Variants in ATRX observed in about 807,000 individuals in gnomAD.
ATRX encodes the protein chromatin remodeler ATRX.
In ATRX, 12 loss-of-function variants were observed where a neutral mutation model predicts 172.6. The ratio of observed to expected loss-of-function variants is 0.07; its 90% confidence interval spans 0.04 to 0.11. The LOEUF is 0.11. ATRX is among the 10% of genes least tolerant of loss of function. The pLI, the probability that ATRX is intolerant of heterozygous loss-of-function variation, is 1.00. For missense variants in ATRX, 1,368 were observed against 1,767.4 expected (o/e 0.77, Z 4.05); for synonymous variants, 674 against 594.7 (o/e 1.13, Z -1.94).
At chrX:77,785,800 C>A in intron 1 of ATRX, 182 bp downstream of exon 1, 1 of 503,589 alleles carries the variant, frequency 2.0e-6, no homozygotes, top group Admixed American at 1.3e-4. Context: ...TCCCCACCCC[C>A]ACCCCCGTCG....
At chrX:77,570,710 A>T (rs782041255) in intron 28 of ATRX, among the ~76,000 whole-genome samples, 2 of 111,919 alleles carry the variant, frequency 1.8e-5, no homozygotes, top group South Asian at 7.4e-4. Context: ...GACAAACTAG[A>T]TTTCATCAAA....
intron 11 of ATRX, among the ~76,000 whole-genome samples, chrX:77,663,867 C>T (rs1280537999): frequency 9.0e-6 from 1 of 111,320 alleles, no homozygotes; most frequent in African/African-American, 3.3e-5. Flanking sequence ...TTTGGGAGGC[C>T]GAGGTGGGCA....
chrX:77,688,746 G>A, intron 7 of ATRX, 72 bp downstream of exon 7: 2 of 837,997 alleles, frequency 2.4e-6, no homozygotes, highest in Non-Finnish European at 3.6e-6. Flanking sequence ...TCAAGACTGT[G>A]CCCTCAAAGG....
chrX:77,677,546 G>GC (rs2070948263), intron 9 of ATRX, among the ~76,000 whole-genome samples: 1 of 111,329 alleles, frequency 9.0e-6, no homozygotes, highest in East Asian at 2.8e-4. Flanking sequence ...ACAAATGAGT[G>GC]CATGTGAAAC....
chrX:77,774,557 G>C (rs1557201257), intron 1 of ATRX, among the ~76,000 whole-genome samples: 1 of 110,343 alleles, frequency 9.1e-6, no homozygotes, highest in African/African-American at 3.3e-5. Context: ...GGAACCTGTA[G>C]ACCCAGCTAC....
chrX:77,712,554 G>A (rs1557161980), intron 2 of ATRX, among the ~76,000 whole-genome samples: 1 of 112,549 alleles, frequency 8.9e-6, no homozygotes, highest in African/African-American at 3.2e-5. Context: ...GCCGGGCTTG[G>A]TGGCTCACGC....
chrX:77,691,801 A>ATT (rs2071904470), intron 6 of ATRX, among the ~76,000 whole-genome samples: 1 of 111,778 alleles, frequency 8.9e-6, no homozygotes, highest in African/African-American at 3.3e-5. Context: ...CAGATCACCA[A>ATT]TTTATCTATA....
intron 1 of ATRX, among the ~76,000 whole-genome samples, chrX:77,773,092 TAA>T (rs782649057): frequency 2.7e-5 from 1 of 37,354 alleles, no homozygotes. Flanking sequence ...AAATTTCAGC[TAA>T]AAAAAAAAAA....
At position 77,684,423 on chromosome X, in the gene ATRX, G is replaced by C. The variant is rs2148636877; in HGVS notation, c.833C>G (p.Thr278Ser). 8.3e-7 allele frequency: 1 copy of C among 1,211,673 alleles called. No homozygotes were observed. The highest frequency in any genetic ancestry group is 1.1e-6 in the Non-Finnish European group (1 of 895,332). ...ATTCTCAAATACGCTGTTACATGCAGTGACCAAGTCCAACAAAGGCTCTGG... is the reference window on the plus strand; with the variant it reads ...ATTCTCAAATACGCTGTTACATGCACTGACCAAGTCCAACAAAGGCTCTGG... ...CHPEPLLDLVTACNSVFENLE... is the reference protein window; with the variant it reads ...CHPEPLLDLVSACNSVFENLE... Residue 278 changes from threonine (T) to serine (S), a missense_variant, in exon 9 of 35, where the codon ACT becomes AGT. Physicochemically the swap from Thr to Ser is moderately conservative, Grantham distance 58. Coordinates refer to ENST00000373344, the MANE Select transcript of ATRX (RefSeq NM_000489.6).
intron 19 of ATRX, among the ~76,000 whole-genome samples, chrX:77,624,765 A>C (rs1300869779): frequency 8.9e-6 from 1 of 112,506 alleles, no homozygotes; most frequent in Non-Finnish European, 1.9e-5. Flanking sequence ...AAATGGAAAC[A>C]CATCCCATGC....
chrX:77,557,771 A>T (rs2064856620), intron 29 of ATRX, 126 bp from the exon 30 acceptor site: 5 of 568,386 alleles, frequency 8.8e-6, no homozygotes, highest in Non-Finnish European at 1.4e-5. Flanking sequence ...ATTGCCATAA[A>T]GAAAAACTCA....
chrX:77,687,106 T>C (rs1272448904), intron 7 of ATRX, among the ~76,000 whole-genome samples: 7 of 88,537 alleles, frequency 7.9e-5, no homozygotes, highest in Non-Finnish European at 1.4e-4. Flanking sequence ...TGAGCCAAGA[T>C]CGCGCCACTG....
In ATRX at chrX:77,508,364, C is replaced by T. The variant is rs192340482; in HGVS notation, c.7466G>A (p.Gly2489Glu). ...MRSKNPGPSQ[G>E]KSM ...TTTAGTGCAAAATCACATTGATTTC[C>T]CTTGGGAAGGTCCTGGATTTTTGCT... is the stretch of plus-strand genomic sequence containing the variant. The change falls in exon 35 of 35, where the codon GGG becomes GAG. Residue 2489 changes from glycine to glutamate, a missense_variant. Gly to Glu is a moderately conservative substitution (Grantham distance 98). Coordinates refer to ENST00000373344, the MANE Select transcript of ATRX (RefSeq NM_000489.6). 1.7e-6 allele frequency: 2 copies of T among 1,209,391 alleles called. No homozygotes were observed. Among genetic ancestry groups the T allele is most frequent in the African/African-American group, 3.5e-5 (2 of 57,154 alleles).
chrX:77,679,394 C>T (rs781897991), intron 9 of ATRX, among the ~76,000 whole-genome samples: 3 of 111,431 alleles, frequency 2.7e-5, no homozygotes, highest in Admixed American at 1.9e-4. Flanking sequence ...AAAAAGTTTA[C>T]TCCCCATCAG....
chrX:77,514,268 T>A (rs1158516785), intron 34 of ATRX, among the ~76,000 whole-genome samples: 2 of 111,973 alleles, frequency 1.8e-5, no homozygotes, highest in Middle Eastern at 4.2e-3. Context: ...TTAAAATTCA[T>A]ATGGAACAAC....
In ATRX at chrX:77,616,744, G is replaced by T. The variant is rs1209862141; in HGVS notation, c.5449-14C>A. ...ATAATCTTTCCTCTGTAATTAACAAGAAAGAGAATGAAAATTAATCTAAAT... is the reference window on the plus strand; with the variant it reads ...ATAATCTTTCCTCTGTAATTAACAATAAAGAGAATGAAAATTAATCTAAAT... On this transcript the variant is annotated splice_polypyrimidine_tract_variant and intron_variant, in intron 21 of 34. Coordinates refer to ENST00000373344, the MANE Select transcript of ATRX (RefSeq NM_000489.6). 2 of 1,059,994 alleles carry T rather than the reference G, an allele frequency of 1.9e-6. No individual in the cohort carries two copies. Among genetic ancestry groups the T allele is most frequent in the African/African-American group, 1.8e-5 (1 of 54,176 alleles). The allele number at this position is 1,059,994 out of a possible 1,213,427, so 87.4% of individuals were successfully genotyped here.
chrX:77,664,184 G>A (rs2070098830), intron 11 of ATRX, among the ~76,000 whole-genome samples: 1 of 111,596 alleles, frequency 9.0e-6, no homozygotes, highest in African/African-American at 3.3e-5. Context: ...AGATATTCAA[G>A]AGAAGTCATG....
intron 28 of ATRX, among the ~76,000 whole-genome samples, chrX:77,568,859 G>A (rs1455287407): frequency 1.8e-5 from 2 of 111,629 alleles, no homozygotes; most frequent in Non-Finnish European, 3.8e-5. Context: ...AATAACAGAT[G>A]ATACAAACTG....
intron 1 of ATRX, among the ~76,000 whole-genome samples, chrX:77,720,109 T>C (rs981576345): frequency 8.9e-6 from 1 of 111,787 alleles, no homozygotes; most frequent in Non-Finnish European, 1.9e-5. Context: ...AAGGCAGAAA[T>C]AAAGAAGTTC....
Sources: allele counts gnomAD v4.1 joint callset (sites outside exome capture counted in the v4.1 genomes callset), GRCh38; gene constraint gnomAD v4.1.1; transcripts MANE v1.5; gene names NCBI Gene and HGNC (gene_info 2026-07-23, HGNC 2026-07-21).